The following SIN3B variants were observed in gnomAD, a reference collection of about 807,000 sequenced individuals.
SIN3B encodes the protein paired amphipathic helix protein Sin3b.
SIN3B carries 19 observed loss-of-function variants against 120.2 expected under a neutral mutation model. That is an observed-to-expected ratio of 0.16 (90% CI 0.11 to 0.23). SIN3B has a LOEUF of 0.23. SIN3B is among the 10% of genes least tolerant of loss of function. The probability of loss-of-function intolerance (pLI) is 1.00; values close to 1 mark genes in which losing one functional copy is unlikely to be tolerated. For synonymous variants in SIN3B, 654 were observed against 653.2 expected (o/e 1.00, Z -0.02); for missense variants, 1,073 against 1,573.0 (o/e 0.68, Z 5.38).
intron 5 of SIN3B, among the ~76,000 whole-genome samples, chr19:16,850,587 G>A (rs1253904748): frequency 6.6e-6 from 1 of 152,094 alleles, no homozygotes; most frequent in Non-Finnish European, 1.5e-5. Context: ...TTAGGTCTTT[G>A]GGGGTGTCTT....
intron 5 of SIN3B, among the ~76,000 whole-genome samples, chr19:16,847,608 G>T (rs145569094): frequency 2.0e-5 from 3 of 152,284 alleles, no homozygotes; most frequent in Admixed American, 6.5e-5. Flanking sequence ...GCAGAGATGG[G>T]CGAGGAGGGG....
intron 5 of SIN3B, 89 bp downstream of exon 5, chr19:16,847,202 A>T (rs368387064): frequency 4.1e-6 from 6 of 1,451,540 alleles, no homozygotes; most frequent in East Asian, 4.6e-5. Flanking sequence ...GGCCAAGCCT[A>T]TGTACCCTCC....
Position 16,877,992 on chromosome 19 carries a change from A to G in SIN3B, c.2955-191A>G, listed in dbSNP as rs1057151292. ...CTCAGGTCGGGCTAGGATGGCACCT[A>G]TGGGACCAGTGGGGGCTGCTGGTGG... On this transcript the variant is annotated intron_variant, in intron 17 of 18. Transcript: ENST00000248054. Among the ~76,000 whole-genome samples the G allele has an allele frequency of 4.6e-5, 7 of 152,158 alleles. No individual in the cohort carries two copies. In the East Asian group the frequency reaches 5.8e-4, roughly 13 times the overall value.
At chr19:16,842,315 CTGGTCT>C (rs1334212203) in intron 4 of SIN3B, among the ~76,000 whole-genome samples, 1 of 151,696 alleles carries the variant, frequency 6.6e-6, no homozygotes, top group Admixed American at 6.6e-5. Context: ...GTTGCTCAGG[CTGGTCT>C]TGAACTCCTG....
At chr19:16,874,573 TTGGTC>T (rs1443990436) in intron 14 of SIN3B, among the ~76,000 whole-genome samples, 12 of 150,834 alleles carry the variant, frequency 8.0e-5, no homozygotes, top group Non-Finnish European at 1.5e-4. Flanking sequence ...TTGGTCTGAT[TTGGTC>T]TGGTCTGGTT....
At chr19:16,839,888 G>A (rs945263162) in intron 3 of SIN3B, among the ~76,000 whole-genome samples, 4 of 152,040 alleles carry the variant, frequency 2.6e-5, no homozygotes, top group African/African-American at 9.7e-5. Context: ...TGGTCGCACG[G>A]CACCTGTGAT....
chr19:16,871,470 C>A, intron 14 of SIN3B, 72 bp downstream of exon 14: 1 of 1,430,358 alleles, frequency 7.0e-7, no homozygotes, highest in South Asian at 1.3e-5. Flanking sequence ...ACTCCCCGCT[C>A]GGGAGGGGGC....
At chr19:16,873,941 T>C (rs1314554560) in intron 14 of SIN3B, among the ~76,000 whole-genome samples, 1 of 152,246 alleles carries the variant, frequency 6.6e-6, no homozygotes, top group Admixed American at 6.5e-5. Flanking sequence ...GTGTGCCAGG[T>C]ACTGTCTGAA....
intron 8 of SIN3B, among the ~76,000 whole-genome samples, chr19:16,859,509 A>G (rs1971659030): frequency 6.6e-6 from 1 of 152,108 alleles, no homozygotes; most frequent in Non-Finnish European, 1.5e-5. Flanking sequence ...TGCGACCCTC[A>G]TGGGTCAAGC....
At position 16,879,011 on chromosome 19, in the gene SIN3B, C is replaced by A; in HGVS notation, c.*284C>A. On this transcript the variant is annotated 3_prime_UTR_variant, in exon 19 of 19. Coordinates refer to ENST00000248054, the MANE Select transcript of SIN3B (RefSeq NM_001297595.2). ...GGAACAAGCAATCATGTTTGCGTCCCCGTCCGTCACATGTGCCAAATCCCT... is the reference window on the plus strand; with the variant it reads ...GGAACAAGCAATCATGTTTGCGTCCACGTCCGTCACATGTGCCAAATCCCT... The A allele has an allele frequency of 2.0e-6, 1 of 496,576 alleles. No homozygotes were observed. The highest frequency in any genetic ancestry group is 3.6e-6 in the Non-Finnish European group (1 of 280,164). The allele number at this position is 496,576 out of a possible 1,614,324, so 30.8% of individuals were successfully genotyped here. A position where few individuals can be genotyped will look rare whatever the true frequency, so the allele number is the denominator to read the frequency against.
At chr19:16,866,631 G>GT in intron 12 of SIN3B, 75 bp downstream of exon 12, 2 of 1,444,136 alleles carry the variant, frequency 1.4e-6, no homozygotes, top group Non-Finnish European at 9.6e-7. Context: ...CTGTGCCTCT[G>GT]TTTCCCTGGT....
intron 3 of SIN3B, 115 bp from the exon 4 acceptor site, chr19:16,841,653 G>C: frequency 2.0e-6 from 2 of 979,910 alleles, no homozygotes; most frequent in Non-Finnish European, 1.6e-6. Context: ...CTCTAATACA[G>C]CTTGGCTCCG....
intron 4 of SIN3B, among the ~76,000 whole-genome samples, chr19:16,845,740 G>A (rs1293517978): frequency 6.6e-6 from 1 of 151,714 alleles, no homozygotes; most frequent in East Asian, 2.0e-4. Context: ...ATTTATTTTA[G>A]ATAGGATCTT....
At chr19:16,853,802 C>T (rs1424744141) in intron 7 of SIN3B, among the ~76,000 whole-genome samples, 1 of 142,026 alleles carries the variant, frequency 7.0e-6, no homozygotes, top group Non-Finnish European at 1.5e-5. Flanking sequence ...CATGCACAAA[C>T]TGTGAATTGC....
At chr19:16,875,973 C>G (rs2051599281) in intron 14 of SIN3B, 82 bp from the exon 15 acceptor site, 2 of 1,454,402 alleles carry the variant, frequency 1.4e-6, no homozygotes, top group African/African-American at 1.4e-5. Context: ...GTGTTTCTGG[C>G]CTTTGTCGAC....
Position 16,878,569 on chromosome 19 carries a change from G to A in SIN3B, c.3235G>A (p.Val1079Met). ...EWHSRWLEDN[V>M]TVEAASLVQD... is the part of the protein sequence containing the mutation. ...GCACAGCCGCTGGCTGGAGGACAAT[G>A]TGACGGTGGAGGCGGCTAGCCTGGT... is the stretch of plus-strand genomic sequence containing the variant. Residue 1079 changes from valine (V) to methionine (M), a missense_variant, in exon 19 of 19, where the codon GTG becomes ATG. By Grantham distance (21) the Val-to-Met change is conservative. This residue lies in a region of SIN3B where 311 missense variants were observed against 400.3 expected (regional missense o/e 0.78). Coordinates refer to ENST00000248054, the MANE Select transcript of SIN3B (RefSeq NM_001297595.2). The A allele has an allele frequency of 6.2e-7, 1 of 1,609,636 alleles. No individual in the cohort carries two copies. Among genetic ancestry groups the A allele is most frequent in the Non-Finnish European group, 8.5e-7 (1 of 1,178,140 alleles).
At position 16,877,145 on chromosome 19, in the gene SIN3B, C is replaced by T. The variant is rs1181065519; in HGVS notation, c.2860-400C>T. ...GGCCAACCCCATTCATTTCCTGGGG[C>T]TACCACCACAATGACCACAAACCAC... On this transcript the variant is annotated intron_variant, in intron 16 of 18. Transcript: ENST00000248054. 4 of 236,860 alleles carry T rather than the reference C, an allele frequency of 1.7e-5. No individual in the cohort carries two copies. In the East Asian group the frequency reaches 4.5e-4, roughly 27 times the overall value. The allele number at this position is 236,860 out of a possible 1,614,324, so 14.7% of individuals were successfully genotyped here.
intron 8 of SIN3B, among the ~76,000 whole-genome samples, chr19:16,856,531 C>T (rs1489035177): frequency 6.6e-6 from 1 of 151,880 alleles, no homozygotes; most frequent in Non-Finnish European, 1.5e-5. Flanking sequence ...AAACTTGGAT[C>T]TTTCCTAAAG....
chr19:16,875,717 CT>C (rs1455625074), intron 14 of SIN3B, among the ~76,000 whole-genome samples: 1 of 141,702 alleles, frequency 7.1e-6, no homozygotes, highest in Non-Finnish European at 1.5e-5. Flanking sequence ...CTGGTCTGGT[CT>C]GGTTTGGTCT....
Sources: gnomAD v4.1 joint callset for allele counts (sites outside exome capture counted in the v4.1 genomes callset) on GRCh38, gnomAD v4.1.1 for gene constraint, gnomAD v4.1.1 regional missense constraint, MANE v1.5 for transcripts, NCBI Gene and HGNC (gene_info 2026-07-23, HGNC 2026-07-21) for gene names.